Variants in CNTLN observed in about 807,000 individuals in gnomAD.
CNTLN encodes the protein centlein, centrosomal protein.
In CNTLN, 212 loss-of-function variants were observed where a neutral mutation model predicts 180.0. The observed-to-expected ratio is 1.18, with a 90% CI of 1.05 to 1.32. The LOEUF is 1.32. CNTLN is among the 40% of genes most tolerant of loss of function. The pLI is 0.00. For missense variants in CNTLN, 2,095 were observed against 1,610.9 expected, an observed-to-expected ratio of 1.30 and a Z score of -5.14; for synonymous variants, 722 against 563.1, an observed-to-expected ratio of 1.28 and a Z score of -3.99.
In CNTLN at chr9:17,147,886, G is replaced by A. The variant is rs375946588; in HGVS notation, c.449+4510G>A. On this transcript the variant is annotated intron_variant, in intron 2 of 25. Transcript: ENST00000380647. Reference sequence around the variant, plus strand: ...TTGCCCTGTATTATTGGTTTCAACCGGTTGTGCTACCGACCTAGTGAATAG... The same window carrying A: ...TTGCCCTGTATTATTGGTTTCAACCAGTTGTGCTACCGACCTAGTGAATAG... Among the ~76,000 whole-genome samples, 75 of 152,206 alleles carry A rather than the reference G, an allele frequency of 4.9e-4. 1 individual carries two copies. The highest frequency in any genetic ancestry group is 4.6e-4 in the Non-Finnish European group (31 of 68,000).
At chr9:17,292,847 AG>A (rs35876302) in intron 6 of CNTLN, among the ~76,000 whole-genome samples, 38,805 of 151,784 alleles carry the variant, frequency 0.26, 5,055 homozygotes, top group South Asian at 0.36. Context: ...CTCTTCCTAG[AG>A]AGGTATTATG....
intron 5 of CNTLN, among the ~76,000 whole-genome samples, chr9:17,267,158 T>A (rs902014450): frequency 1.3e-5 from 2 of 152,162 alleles, no homozygotes; most frequent in African/African-American, 4.8e-5. Flanking sequence ...TTTTGGCATG[T>A]TTTTGCAGTG....
At position 17,415,962 on chromosome 9, in the gene CNTLN, G is replaced by T. The variant is rs536923331; in HGVS notation, c.2891-4G>T. 1.3e-3 allele frequency: 2,095 copies of T among 1,598,094 alleles called. 33 individuals are homozygous for T. In the South Asian group the frequency reaches 0.022, roughly 17 times the overall value. On this transcript the variant is annotated splice_polypyrimidine_tract_variant and splice_region_variant and intron_variant, in intron 17 of 25. Transcript: ENST00000380647. ...AAAATATGAACAATATTGTTTTTAT[G>T]TAGTCAACAGAGAAAAGTACAAAAA...
intron 18 of CNTLN, among the ~76,000 whole-genome samples, chr9:17,455,136 A>C (rs1450822807): frequency 6.6e-6 from 1 of 152,194 alleles, no homozygotes; most frequent in Admixed American, 6.5e-5. Flanking sequence ...TTTTAAACCG[A>C]CAGAAGTTAG....
At chr9:17,466,256 C>G in intron 22 of CNTLN, 138 bp downstream of exon 22, 1 of 666,232 alleles carries the variant, frequency 1.5e-6, no homozygotes, top group Non-Finnish European at 2.5e-6. Context: ...GGATTTGTAT[C>G]TCTACATGAA....
intron 16 of CNTLN, among the ~76,000 whole-genome samples, chr9:17,414,191 TG>T (rs1489553894): frequency 1.3e-5 from 2 of 152,234 alleles, no homozygotes; most frequent in Admixed American, 1.3e-4. Context: ...TACATTTTGC[TG>T]GCCACTTTGT....
chr9:17,183,532 G>T (rs1011933086), intron 2 of CNTLN, among the ~76,000 whole-genome samples: 1 of 150,956 alleles, frequency 6.6e-6, no homozygotes, highest in East Asian at 1.9e-4. Flanking sequence ...AAATAGAATT[G>T]CAAACAATAA....
At chr9:17,288,393 T>C (rs1469192366) in intron 6 of CNTLN, among the ~76,000 whole-genome samples, 1 of 137,836 alleles carries the variant, frequency 7.3e-6, no homozygotes, top group East Asian at 2.0e-4. Flanking sequence ...TAATTTCTGT[T>C]CTTTTACATT....
rs1554649058 is a variant in CNTLN, at chr9:17,178,963, G to GATTT, written c.449+35587_449+35588insATTT. Among the ~76,000 whole-genome samples the GATTT allele has an allele frequency of 6.8e-4, 103 of 151,906 alleles. 1 individual carries two copies. Among genetic ancestry groups the GATTT allele is most frequent in the African/African-American group, 2.0e-3 (84 of 41,256 alleles). Reference sequence around the variant, plus strand: ...TCACCTCTCAGAAGTGTAGATTATTGGCCGGGCGCGGTGGCTCACGCCTGT... The same window carrying GATTT: ...TCACCTCTCAGAAGTGTAGATTATTGATTTGCCGGGCGCGGTGGCTCACGCCTGT... On this transcript the variant is annotated intron_variant, in intron 2 of 25. Coordinates refer to ENST00000380647, the MANE Select transcript of CNTLN (RefSeq NM_017738.4).
chr9:17,157,015 C>T (rs549280136), intron 2 of CNTLN, among the ~76,000 whole-genome samples: 33 of 152,248 alleles, frequency 2.2e-4, no homozygotes, highest in South Asian at 1.2e-3. Flanking sequence ...CTGAAGTGGA[C>T]GCCACAACAA....
chr9:17,302,921 T>A (rs1759454), intron 7 of CNTLN, among the ~76,000 whole-genome samples: 68,379 of 151,986 alleles, frequency 0.45, 16,096 homozygotes, highest in South Asian at 0.64. Context: ...TTAGAAATGT[T>A]TTATGTAAAT....
intron 2 of CNTLN, among the ~76,000 whole-genome samples, chr9:17,214,971 T>G (rs1340648723): frequency 6.6e-6 from 1 of 152,284 alleles, no homozygotes; most frequent in African/African-American, 2.4e-5. Context: ...TTTTTGAAGG[T>G]TTTTAGCTTC....
intron 6 of CNTLN, among the ~76,000 whole-genome samples, chr9:17,286,790 T>A (rs1419433643): frequency 8.7e-6 from 1 of 114,858 alleles, no homozygotes; most frequent in Non-Finnish European, 1.7e-5. Flanking sequence ...AGTTCACTCA[T>A]GATTTGGCTC....
intron 2 of CNTLN, among the ~76,000 whole-genome samples, chr9:17,176,793 G>A (rs7864296): frequency 0.26 from 39,044 of 152,110 alleles, 6,611 homozygotes; most frequent in African/African-American, 0.48. Flanking sequence ...TCTATTTCAT[G>A]TTGGTGAAGT....
intron 12 of CNTLN, among the ~76,000 whole-genome samples, chr9:17,351,158 C>G (rs986271572): frequency 2.6e-5 from 4 of 152,194 alleles, no homozygotes; most frequent in African/African-American, 9.6e-5. Flanking sequence ...CTCTGTACCT[C>G]TGGCCACCTA....
intron 18 of CNTLN, among the ~76,000 whole-genome samples, chr9:17,423,348 C>T (rs1828861123): frequency 1.3e-5 from 2 of 152,070 alleles, no homozygotes; most frequent in South Asian, 4.2e-4. Context: ...CTAGAAATGC[C>T]GTACAGGAGC....
chr9:17,235,632 C>A (rs1825095092), intron 3 of CNTLN, 26 bp from the exon 4 acceptor site: 6 of 1,429,992 alleles, frequency 4.2e-6, no homozygotes, highest in South Asian at 1.3e-5. Flanking sequence ...TAAAAGCTCA[C>A]CAGTAATTTA....
intron 1 of CNTLN, among the ~76,000 whole-genome samples, chr9:17,142,591 A>G (rs1341219767): frequency 2.0e-5 from 3 of 152,180 alleles, no homozygotes; most frequent in Non-Finnish European, 4.4e-5. Context: ...GTCTCAGTGT[A>G]GAGTTGGTAC....
At chr9:17,354,184 C>T (rs921822012) in intron 12 of CNTLN, among the ~76,000 whole-genome samples, 4 of 152,306 alleles carry the variant, frequency 2.6e-5, no homozygotes, top group South Asian at 2.1e-4. Context: ...GGGCAGGGCT[C>T]GGGACCTGCA....
Sources: allele counts gnomAD v4.1 joint callset (sites outside exome capture counted in the v4.1 genomes callset), GRCh38; gene constraint gnomAD v4.1.1; transcripts MANE v1.5; gene names NCBI Gene and HGNC (gene_info 2026-07-23, HGNC 2026-07-21).